The following SORCS2 variants were observed in gnomAD, a reference collection of about 807,000 sequenced individuals.
The protein encoded by SORCS2 is sortilin related VPS10 domain containing receptor 2, also known as VPS10 domain-containing receptor SorCS2.
In SORCS2, 100 loss-of-function variants were observed where a neutral mutation model predicts 141.6. The ratio of observed to expected loss-of-function variants is 0.71; its 90% confidence interval spans 0.60 to 0.83. SORCS2 has a LOEUF of 0.83. SORCS2 is among the 40% of genes least tolerant of loss of function. SORCS2 has a pLI of 0.00. For synonymous variants in SORCS2, 789 were observed against 676.9 expected, an observed-to-expected ratio of 1.17 and a Z score of -2.57; for missense variants, 1,646 against 1,560.2, an observed-to-expected ratio of 1.05 and a Z score of -0.93.
intron 2 of SORCS2, among the ~76,000 whole-genome samples, chr4:7,502,553 G>A (rs1204370958): frequency 6.6e-6 from 1 of 152,230 alleles, no homozygotes; most frequent in African/African-American, 2.4e-5. Flanking sequence ...CTCATCCCCA[G>A]CCGCCTTTGT....
chr4:7,596,197 C>T (rs1378230741), intron 3 of SORCS2, among the ~76,000 whole-genome samples: 1 of 152,096 alleles, frequency 6.6e-6, no homozygotes, highest in Admixed American at 6.6e-5. Flanking sequence ...ATTTGTGAGC[C>T]TTGTATAGAG....
At chr4:7,401,108 T>A (rs1031913960) in intron 2 of SORCS2, among the ~76,000 whole-genome samples, 2 of 151,674 alleles carry the variant, frequency 1.3e-5, no homozygotes, top group Non-Finnish European at 2.9e-5. Flanking sequence ...AATGGATGGA[T>A]AGATGGGTGG....
chr4:7,661,711 A>T, intron 6 of SORCS2, 147 bp downstream of exon 6: 1 of 772,320 alleles, frequency 1.3e-6, no homozygotes, highest in Non-Finnish European at 2.1e-6. Context: ...ATGATTTTAA[A>T]TGTGCTTGTT....
chr4:7,301,276 A>G (rs1398429738), intron 1 of SORCS2, among the ~76,000 whole-genome samples: 1 of 152,194 alleles, frequency 6.6e-6, no homozygotes, highest in Non-Finnish European at 1.5e-5. Context: ...TTGAAGACAC[A>G]GCAGCTATCG....
intron 3 of SORCS2, among the ~76,000 whole-genome samples, chr4:7,610,253 T>C (rs917557227): frequency 2.0e-5 from 3 of 152,168 alleles, no homozygotes; most frequent in Non-Finnish European, 4.4e-5. Context: ...CGCCCACCCC[T>C]CCCTGCCACA....
chr4:7,483,323 A>T (rs1730769385), intron 2 of SORCS2, among the ~76,000 whole-genome samples: 1 of 67,438 alleles, frequency 1.5e-5, no homozygotes, highest in Non-Finnish European at 2.7e-5. Context: ...ACTCCATCTC[A>T]AAAAAAAAAA....
rs2108860547 is a variant in SORCS2, at chr4:7,201,083, T to C, written c.480+7957T>C. ...TGGACAGGAATTCACCCCAGCGCGT[T>C]CTAGGTGCCGTGTGAATCTGCGCTG... is the stretch of plus-strand genomic sequence containing the variant. On this transcript the variant is annotated intron_variant, in intron 1 of 26. Coordinates refer to ENST00000507866, the MANE Select transcript of SORCS2 (RefSeq NM_020777.3). The surrounding 1 kb of genome is among the most constrained non-coding windows in gnomAD (Gnocchi z 4.4). Among the ~76,000 whole-genome samples, 1 of 152,312 alleles carries C rather than the reference T, an allele frequency of 6.6e-6. No individual in the cohort carries two copies.
At chr4:7,575,227 G>A (rs1364215992) in intron 3 of SORCS2, among the ~76,000 whole-genome samples, 2 of 152,128 alleles carry the variant, frequency 1.3e-5, no homozygotes. Flanking sequence ...AGAAATATAC[G>A]AGCCGTGTGT....
intron 10 of SORCS2, among the ~76,000 whole-genome samples, chr4:7,686,830 C>T (rs1330155446): frequency 2.6e-5 from 4 of 152,174 alleles, no homozygotes; most frequent in African/African-American, 9.7e-5. Flanking sequence ...AAGGGGGAGC[C>T]GTCTGTTTGG....
At chr4:7,478,202 G>GT (rs1481280575) in intron 2 of SORCS2, among the ~76,000 whole-genome samples, 1 of 152,176 alleles carries the variant, frequency 6.6e-6, no homozygotes, top group Non-Finnish European at 1.5e-5. Context: ...GTAGGGTGCA[G>GT]TGAGTATGCA....
At chr4:7,586,681 A>G (rs569324188) in intron 3 of SORCS2, among the ~76,000 whole-genome samples, 2 of 152,314 alleles carry the variant, frequency 1.3e-5, no homozygotes, top group East Asian at 3.9e-4. Context: ...TTATGGCAGC[A>G]TAGTATTCCA....
At chr4:7,423,066 T>C (rs1215323255) in intron 2 of SORCS2, among the ~76,000 whole-genome samples, 1 of 144,564 alleles carries the variant, frequency 6.9e-6, no homozygotes, top group Non-Finnish European at 1.5e-5. Context: ...CTTCTCCTGA[T>C]CTGCTGGCTC....
chr4:7,445,380 G>C (rs141571393), intron 2 of SORCS2, among the ~76,000 whole-genome samples: 2 of 152,250 alleles, frequency 1.3e-5, no homozygotes, highest in African/African-American at 2.4e-5. Flanking sequence ...GGGTCTGGAG[G>C]GGGCTGCTGG....
chr4:7,716,584 A>G (rs753541224), intron 17 of SORCS2, among the ~76,000 whole-genome samples: 3 of 150,318 alleles, frequency 2.0e-5, no homozygotes, highest in Admixed American at 6.6e-5. Flanking sequence ...CTATCCATCT[A>G]TCTACCCATC....
chr4:7,420,244 G>A (rs1725953256), intron 2 of SORCS2, among the ~76,000 whole-genome samples: 1 of 152,230 alleles, frequency 6.6e-6, no homozygotes, highest in Non-Finnish European at 1.5e-5. Flanking sequence ...GCCAGTTTTG[G>A]AGTCAGCAGA....
At chr4:7,738,898 C>T (rs907846212) in intron 26 of SORCS2, among the ~76,000 whole-genome samples, 1 of 152,160 alleles carries the variant, frequency 6.6e-6, no homozygotes, top group African/African-American at 2.4e-5. Flanking sequence ...CTCACCAGGC[C>T]TGTCTGCCCC....
In SORCS2 at chr4:7,192,692, A is replaced by C. The variant is rs1249328324; in HGVS notation, c.46A>C (p.Thr16Pro). ...PSRASKGPGP[T>P]ARAPSPGAPP... ...GCGCGCCTCGAAGGGCCCCGGCCCC[A>C]CCGCCCGAGCCCCGAGCCCCGGGGC... The change falls in exon 1 of 27, where the codon ACC becomes CCC. Residue 16 changes from threonine (T) to proline (P), a missense_variant. Coordinates refer to ENST00000507866, the MANE Select transcript of SORCS2 (RefSeq NM_020777.3). This position sits in a 1 kb window ranked among gnomAD's most constrained non-coding sequence, Gnocchi z 4.0. 4 of 987,614 alleles carry C rather than the reference A, an allele frequency of 4.1e-6. No individual in the cohort carries two copies. The African/African-American group carries it at 7.1e-5, about 18-fold the overall frequency. 61.2% of individuals were successfully genotyped at this position (987,614 alleles called of 1,614,324 possible). A position where few individuals can be genotyped will look rare whatever the true frequency, so the allele number is the denominator to read the frequency against.
intron 1 of SORCS2, among the ~76,000 whole-genome samples, chr4:7,393,083 C>T (rs992350504): frequency 5.3e-5 from 8 of 152,120 alleles, no homozygotes; most frequent in East Asian, 3.9e-4. Context: ...GAGGATGAGA[C>T]GTGGGGTGAT....
At chr4:7,696,222 C>G (rs940343417) in intron 11 of SORCS2, among the ~76,000 whole-genome samples, 12 of 152,226 alleles carry the variant, frequency 7.9e-5, no homozygotes, top group African/African-American at 2.6e-4. Flanking sequence ...ACAAGTCACC[C>G]AGGGTGGGGC....
Sources: gnomAD v4.1 joint callset for allele counts (sites outside exome capture counted in the v4.1 genomes callset) on GRCh38, gnomAD v4.1.1 for gene constraint, Gnocchi (gnomAD v3.1) non-coding constraint, MANE v1.5 for transcripts, NCBI Gene and HGNC (gene_info 2026-07-23, HGNC 2026-07-21) for gene names.